Variants in GNG12 observed in about 807,000 individuals in gnomAD.
The protein encoded by GNG12 is G protein subunit gamma 12.
For synonymous variants in GNG12, 28 were observed against 29.7 expected (o/e 0.94, Z 0.19); for missense variants, 69 against 83.8 (o/e 0.82, Z 0.69).
At chr1:67,768,440 AT>A (rs1409484295) in intron 2 of GNG12, among the ~76,000 whole-genome samples, 1 of 151,916 alleles carries the variant, frequency 6.6e-6, no homozygotes, top group Non-Finnish European at 1.5e-5. Context: ...ACATATTTAG[AT>A]TTTTTCCCAA....
intron 2 of GNG12, among the ~76,000 whole-genome samples, chr1:67,728,097 C>A (rs1646397328): frequency 6.6e-6 from 1 of 152,132 alleles, no homozygotes; most frequent in African/African-American, 2.4e-5. Flanking sequence ...AGAGGTAGGG[C>A]AAAATGAAAG....
intron 2 of GNG12, among the ~76,000 whole-genome samples, chr1:67,713,084 C>T (rs1557593366): frequency 1.3e-5 from 2 of 152,148 alleles, no homozygotes; most frequent in Non-Finnish European, 2.9e-5. Flanking sequence ...AAGTAGGGGG[C>T]TTGCTGATTG....
chr1:67,814,195 T>A (rs962541179), intron 1 of GNG12, among the ~76,000 whole-genome samples: 10 of 152,096 alleles, frequency 6.6e-5, no homozygotes, highest in African/African-American at 2.4e-4. Flanking sequence ...CAAAAAAAAA[T>A]TGTGCTTGCT....
chr1:67,803,121 T>A (rs1482331606), intron 1 of GNG12, among the ~76,000 whole-genome samples: 1 of 152,172 alleles, frequency 6.6e-6, no homozygotes, highest in Non-Finnish European at 1.5e-5. Flanking sequence ...AAGTAAAACA[T>A]TTCTTAGATT....
chr1:67,768,736 A>G (rs1004955278), intron 2 of GNG12, among the ~76,000 whole-genome samples: 1 of 152,224 alleles, frequency 6.6e-6, no homozygotes, highest in Non-Finnish European at 1.5e-5. Context: ...CTCAATAGAT[A>G]AGGAAAGTTT....
chr1:67,802,697 C>G (rs112638378), intron 1 of GNG12, among the ~76,000 whole-genome samples: 2 of 152,194 alleles, frequency 1.3e-5, no homozygotes, highest in Non-Finnish European at 2.9e-5. Context: ...ATCCTCTATG[C>G]CCCAGCACAC....
chr1:67,750,810 G>A (rs1370354611), intron 2 of GNG12, among the ~76,000 whole-genome samples: 1 of 152,142 alleles, frequency 6.6e-6, no homozygotes, highest in Admixed American at 6.5e-5. Context: ...TAGACTGCCA[G>A]TATATGTGCA....
chr1:67,784,433 A>G (rs1362902323), intron 1 of GNG12, among the ~76,000 whole-genome samples: 1 of 144,686 alleles, frequency 6.9e-6, no homozygotes, highest in Non-Finnish European at 1.5e-5. Flanking sequence ...AACCTGCACA[A>G]TGTGCACATG....
In GNG12 at chr1:67,833,450, C is replaced by A. The variant is rs1032829614; in HGVS notation, c.-183G>T. ...CTCCTCCTCCTCTTGCTCCTCCGGG[C>A]GCCGGCTCCGCCTCGCTGGGGTGGG... On this transcript the variant is annotated 5_prime_UTR_variant, in exon 1 of 4. Transcript: ENST00000370982. The A allele has an allele frequency of 1.0e-6, 1 of 985,330 alleles. No individual in the cohort carries two copies. The highest frequency in any genetic ancestry group is 1.7e-5 in the African/African-American group (1 of 57,180). 61.0% of individuals were successfully genotyped at this position (985,330 alleles called of 1,614,324 possible).
chr1:67,813,907 A>C (rs1464336821), intron 1 of GNG12, among the ~76,000 whole-genome samples: 2 of 152,016 alleles, frequency 1.3e-5, no homozygotes, highest in African/African-American at 4.8e-5. Flanking sequence ...ATTCATATAT[A>C]TATGTGTATA....
intron 1 of GNG12, among the ~76,000 whole-genome samples, chr1:67,805,980 G>A (rs1472968689): frequency 6.6e-6 from 1 of 151,472 alleles, no homozygotes; most frequent in Non-Finnish European, 1.5e-5. Context: ...GCAAGAGAGT[G>A]GAATGAATCA....
intron 1 of GNG12, among the ~76,000 whole-genome samples, chr1:67,825,775 T>C (rs1647007502): frequency 1.3e-5 from 2 of 152,180 alleles, no homozygotes; most frequent in South Asian, 4.1e-4. Context: ...TCCCAGGAGT[T>C]ACTACTACTC....
At chr1:67,707,011 T>TG (rs1002435238) in intron 3 of GNG12, among the ~76,000 whole-genome samples, 2 of 152,190 alleles carry the variant, frequency 1.3e-5, no homozygotes, top group African/African-American at 4.8e-5. Context: ...GGGCACTCAC[T>TG]GCCTAGTTCT....
intron 1 of GNG12, among the ~76,000 whole-genome samples, chr1:67,833,028 G>T (rs999980314): frequency 6.6e-6 from 1 of 151,952 alleles, no homozygotes; most frequent in Non-Finnish European, 1.5e-5. Context: ...AGCCACAGCC[G>T]TGGGGGCGGC....
intron 1 of GNG12, among the ~76,000 whole-genome samples, chr1:67,813,562 A>C (rs763045478): frequency 3.9e-5 from 6 of 152,166 alleles, no homozygotes; most frequent in African/African-American, 7.2e-5. Flanking sequence ...CTGAAAGTAC[A>C]TTTTCAGCAG....
chr1:67,752,542 G>A (rs934149072), intron 2 of GNG12, among the ~76,000 whole-genome samples: 1 of 152,126 alleles, frequency 6.6e-6, no homozygotes, highest in Non-Finnish European at 1.5e-5. Context: ...TTGCACTCAC[G>A]GTAGACATCC....
chr1:67,815,544 A>G (rs1646948907), intron 1 of GNG12, among the ~76,000 whole-genome samples: 1 of 152,092 alleles, frequency 6.6e-6, no homozygotes, highest in Non-Finnish European at 1.5e-5. Context: ...CTGTGCTGTT[A>G]CCCTGTGGGT....
chr1:67,805,299 C>A (rs1007166734), intron 1 of GNG12, among the ~76,000 whole-genome samples: 1 of 152,150 alleles, frequency 6.6e-6, no homozygotes, highest in Non-Finnish European at 1.5e-5. Flanking sequence ...ATTCAAATTA[C>A]AAGGCATACT....
At chr1:67,709,635 C>A (rs1222429535) in intron 2 of GNG12, among the ~76,000 whole-genome samples, 1 of 150,668 alleles carries the variant, frequency 6.6e-6, no homozygotes, top group African/African-American at 2.4e-5. Flanking sequence ...CATCCCTGCC[C>A]CACCCAAAAG....
Sources: gnomAD v4.1 joint callset for allele counts (sites outside exome capture counted in the v4.1 genomes callset) on GRCh38, gnomAD v4.1.1 for gene constraint, MANE v1.5 for transcripts, NCBI Gene and HGNC (gene_info 2026-07-23, HGNC 2026-07-21) for gene names.